MOCOS: variants seen among roughly 807,000 people sequenced by gnomAD.
MOCOS encodes molybdenum cofactor sulfurase.
A neutral mutation model predicts 83.6 loss-of-function variants in MOCOS; 86 were observed. The ratio of observed to expected loss-of-function variants is 1.03; its 90% CI spans 0.86 to 1.23. MOCOS has a LOEUF of 1.23. Among genes scored for constraint, MOCOS ranks in the 50% most tolerant of loss-of-function variants. MOCOS has a pLI of 0.00. For missense variants in MOCOS, 1,120 were observed against 1,126.9 expected (o/e 0.99, Z 0.09); for synonymous variants, 445 against 434.7 (o/e 1.02, Z -0.29).
At chr18:36,242,344 A>C (rs2091586965) in intron 9 of MOCOS, among the ~76,000 whole-genome samples, 1 of 152,174 alleles carries the variant, frequency 6.6e-6, no homozygotes, top group African/African-American at 2.4e-5. Flanking sequence ...ATCTGAGACT[A>C]CCTTAGCCTG....
In MOCOS at chr18:36,270,188, G is replaced by T. The variant is rs1242396432; in HGVS notation, c.*1503G>T. ...TTGTTTTGAACTGTTTATTAAAAAC[G>T]CAACCTCTTCAAAGACTCAGCACTG... On this transcript the variant is annotated 3_prime_UTR_variant, in exon 15 of 15. Coordinates refer to ENST00000261326, the MANE Select transcript of MOCOS (RefSeq NM_017947.4). 1 of 152,124 alleles carries T rather than the reference G, an allele frequency of 6.6e-6. No individual in the cohort carries two copies. The highest frequency in any genetic ancestry group is 1.5e-5 in the Non-Finnish European group (1 of 68,030). 9.4% of individuals were successfully genotyped at this position (152,124 alleles called of 1,614,324 possible).
chr18:36,200,046 T>C lies in MOCOS; in HGVS notation c.663T>C (p.Ser221=). 6.2e-7 allele frequency: 1 copy of C among 1,614,214 alleles called. No individual in the cohort carries two copies. The highest frequency in any genetic ancestry group is 8.5e-7 in the Non-Finnish European group (1 of 1,180,032). ...TGTCCTGGATAGAAGAGGTCAAGTC[T>C]GGGCGGTTGCACCCTGTGAGCACGC... is the stretch of plus-strand genomic sequence containing the variant. ...YPLSWIEEVK[S]GRLHPVSTPG... Residue 221 remains serine (S), a synonymous_variant, in exon 4 of 15, where the codon TCT becomes TCC. Transcript: ENST00000261326.
intron 9 of MOCOS, among the ~76,000 whole-genome samples, chr18:36,239,832 T>C (rs2091574189): frequency 6.6e-6 from 1 of 151,888 alleles, no homozygotes; most frequent in Non-Finnish European, 1.5e-5. Flanking sequence ...CTTTGCTCGT[T>C]TCTTTTTATT....
chr18:36,225,716 A>G (rs2065511195), intron 9 of MOCOS, among the ~76,000 whole-genome samples: 2 of 152,174 alleles, frequency 1.3e-5, no homozygotes, highest in South Asian at 2.1e-4. Context: ...TGCTTTTGCC[A>G]TATCCCATAA....
At chr18:36,257,191 T>C in intron 12 of MOCOS, 118 bp downstream of exon 12, 1 of 898,238 alleles carries the variant, frequency 1.1e-6, no homozygotes, top group South Asian at 1.3e-5. Flanking sequence ...CCCTGCTTCA[T>C]GTACAGATGA....
intron 9 of MOCOS, among the ~76,000 whole-genome samples, chr18:36,227,143 C>T (rs1235619237): frequency 1.3e-5 from 2 of 151,932 alleles, no homozygotes; most frequent in African/African-American, 4.8e-5. Flanking sequence ...AACTCCTGAA[C>T]TTAAGCAATC....
intron 13 of MOCOS, 111 bp downstream of exon 13, chr18:36,260,286 T>A: frequency 7.1e-7 from 1 of 1,406,858 alleles, no homozygotes; most frequent in Non-Finnish European, 1.0e-6. Flanking sequence ...CCTTGTCTCT[T>A]AACTACAAAA....
chr18:36,222,632 C>G (rs963659412), intron 9 of MOCOS, among the ~76,000 whole-genome samples: 3 of 146,658 alleles, frequency 2.0e-5, no homozygotes, highest in African/African-American at 5.0e-5. Context: ...GACAGAGCCT[C>G]GCTCTGTCGC....
intron 9 of MOCOS, among the ~76,000 whole-genome samples, chr18:36,221,536 C>G (rs2091495789): frequency 6.6e-6 from 1 of 152,156 alleles, no homozygotes; most frequent in Non-Finnish European, 1.5e-5. Flanking sequence ...ATTCCACTAA[C>G]TTGCAGTTGT....
At chr18:36,227,428 C>T (rs1004655446) in intron 9 of MOCOS, among the ~76,000 whole-genome samples, 2 of 151,522 alleles carry the variant, frequency 1.3e-5, no homozygotes, top group Non-Finnish European at 2.9e-5. Context: ...TGGGGTCTCG[C>T]TCTGTCACCC....
At chr18:36,222,016 C>A (rs548215019) in intron 9 of MOCOS, among the ~76,000 whole-genome samples, 1 of 152,174 alleles carries the variant, frequency 6.6e-6, no homozygotes, top group African/African-American at 2.4e-5. Context: ...TAAGCCACTG[C>A]GCTGGCCCTA....
chr18:36,256,959 C>G lies in MOCOS; in HGVS notation c.2165-9C>G, dbSNP rs188625675. On this transcript the variant is annotated splice_polypyrimidine_tract_variant and intron_variant, in intron 11 of 14. Transcript: ENST00000261326. ...GCAACTCTTCTTTTAAATGCTCCAT[C>G]ATTTTCAGATCAACTTCCTGGTACA... 3 of 1,607,698 alleles carry G rather than the reference C, an allele frequency of 1.9e-6. No individual in the cohort carries two copies. The highest frequency in any genetic ancestry group is 2.2e-5 in the East Asian group (1 of 44,858).
rs556447214 is a variant in MOCOS at position 36,269,957 on chromosome 18, T to C, written c.*1272T>C. ...GGGTCAGTTTGTTTCATTATCACAT[T>C]TGTAGGACTTTGTGTTGTTCCCAGC... On this transcript the variant is annotated 3_prime_UTR_variant, in exon 15 of 15. Transcript: ENST00000261326. The C allele has an allele frequency of 1.3e-5, 2 of 152,226 alleles. No homozygotes were observed. The highest frequency in any genetic ancestry group is 2.9e-5 in the Non-Finnish European group (2 of 68,072). 9.4% of individuals were successfully genotyped at this position (152,226 alleles called of 1,614,324 possible).
rs372086707 is a variant in MOCOS at position 36,220,025 on chromosome 18, G to C, written c.1798-30G>C. ...GTGAAGACCAACTTTGGGGAGCCCT[G>C]GCCTGAGACACGTCTACCTTTTTGT... On this transcript the variant is annotated intron_variant, in intron 8 of 14. Coordinates refer to ENST00000261326, the MANE Select transcript of MOCOS (RefSeq NM_017947.4). 9.1e-4 allele frequency: 1,467 copies of C among 1,612,128 alleles called. 31 individuals are homozygous for C. The South Asian group carries it at 0.015, about 17-fold the overall frequency.
chr18:36,220,034 C>CA (rs1423026189), intron 8 of MOCOS, 21 bp from the exon 9 acceptor site: 2 of 1,612,180 alleles, frequency 1.2e-6, no homozygotes, highest in Non-Finnish European at 1.7e-6. Context: ...TGGCCTGAGA[C>CA]ACGTCTACCT....
intron 12 of MOCOS, among the ~76,000 whole-genome samples, chr18:36,257,290 T>C (rs2091645362): frequency 6.6e-6 from 1 of 150,612 alleles, no homozygotes; most frequent in Non-Finnish European, 1.5e-5. Context: ...ACAAAGATCC[T>C]TTTTGATATC....
intron 8 of MOCOS, among the ~76,000 whole-genome samples, chr18:36,219,657 C>T (rs557460900): frequency 2.8e-4 from 43 of 152,168 alleles, no homozygotes; most frequent in Admixed American, 3.9e-4. Flanking sequence ...CCAGCCTGGG[C>T]GACAGAGCAA....
intron 2 of MOCOS, among the ~76,000 whole-genome samples, chr18:36,196,342 G>T (rs989732699): frequency 1.3e-5 from 2 of 152,164 alleles, no homozygotes; most frequent in African/African-American, 4.8e-5. Context: ...AACCCAAGAG[G>T]CATAGGTTCT....
intron 7 of MOCOS, among the ~76,000 whole-genome samples, chr18:36,214,357 G>A (rs2091467744): frequency 6.6e-6 from 1 of 152,138 alleles, no homozygotes; most frequent in African/African-American, 2.4e-5. Context: ...AAAGGCAAGG[G>A]AGGGGTGTTA....
Sources: allele counts gnomAD v4.1 joint callset (sites outside exome capture counted in the v4.1 genomes callset), GRCh38; gene constraint gnomAD v4.1.1; transcripts MANE v1.5; gene names NCBI Gene and HGNC (gene_info 2026-07-23, HGNC 2026-07-21).